Variants in TAFA1 observed in about 807,000 individuals in gnomAD.
TAFA1 encodes TAFA chemokine like family member 1, also known as chemokine-like protein TAFA-1.
Under a neutral mutation model 18.5 loss-of-function variants are expected in TAFA1, and 4 were observed. The ratio of observed to expected loss-of-function variants is 0.22; its 90% CI spans 0.11 to 0.49. The LOEUF is 0.49. Ranked by LOEUF, TAFA1 falls within the 20% of genes least tolerant of loss-of-function variation. TAFA1 has a pLI of 0.98. For synonymous variants in TAFA1, 56 were observed against 55.2 expected, an observed-to-expected ratio of 1.01 and a Z score of -0.06; for missense variants, 147 against 169.0, an observed-to-expected ratio of 0.87 and a Z score of 0.72.
intron 2 of TAFA1, among the ~76,000 whole-genome samples, chr3:68,378,962 C>T (rs998680376): frequency 1.3e-5 from 2 of 152,134 alleles, no homozygotes; most frequent in African/African-American, 2.4e-5. Context: ...AAGCCTCTTT[C>T]CTTTCTAAAT....
intron 2 of TAFA1, among the ~76,000 whole-genome samples, chr3:68,107,253 G>A (rs1046725577): frequency 6.6e-6 from 1 of 152,074 alleles, no homozygotes; most frequent in African/African-American, 2.4e-5. Flanking sequence ...ACTATTAAAT[G>A]TCTACCAGTA....
At position 68,529,956 on chromosome 3, in the gene TAFA1, G is replaced by T. The variant is rs539485048; in HGVS notation, c.260-8800G>T. ...TCCTTTTATTCCCCAACCTGAGCCT[G>T]CTCTATTAACACAACATATTTACTA... On this transcript the variant is annotated intron_variant, in intron 3 of 4. Coordinates refer to ENST00000478136, the MANE Select transcript of TAFA1 (RefSeq NM_213609.4). Among the ~76,000 whole-genome samples, 4 of 152,256 alleles carry T rather than the reference G, an allele frequency of 2.6e-5. No individual in the cohort carries two copies. In the South Asian group the frequency reaches 8.3e-4, roughly 32 times the overall value.
chr3:68,279,939 T>C (rs1038093494), intron 2 of TAFA1, among the ~76,000 whole-genome samples: 1 of 152,204 alleles, frequency 6.6e-6, no homozygotes, highest in African/African-American at 2.4e-5. Context: ...CCATTTTAAG[T>C]AATATGCTGA....
At chr3:68,183,626 A>G (rs950797061) in intron 2 of TAFA1, among the ~76,000 whole-genome samples, 2 of 152,172 alleles carry the variant, frequency 1.3e-5, no homozygotes, top group Admixed American at 6.6e-5. Context: ...CAGCTTATGC[A>G]GTCTAATTGA....
At chr3:68,227,911 C>T (rs1016693485) in intron 2 of TAFA1, among the ~76,000 whole-genome samples, 3 of 152,132 alleles carry the variant, frequency 2.0e-5, no homozygotes, top group Admixed American at 2.0e-4. Flanking sequence ...AGAAGGAAAT[C>T]TTTTATCACT....
At chr3:68,074,120 T>C (rs2064793980) in intron 2 of TAFA1, among the ~76,000 whole-genome samples, 1 of 152,186 alleles carries the variant, frequency 6.6e-6, no homozygotes, top group Non-Finnish European at 1.5e-5. Flanking sequence ...TAGATTCTCA[T>C]ACGGATTGCA....
At chr3:68,095,496 T>G (rs990304401) in intron 2 of TAFA1, among the ~76,000 whole-genome samples, 2 of 152,138 alleles carry the variant, frequency 1.3e-5, no homozygotes, top group Admixed American at 1.3e-4. Flanking sequence ...GGACCCACTT[T>G]CCATGGTGTT....
intron 2 of TAFA1, among the ~76,000 whole-genome samples, chr3:68,032,373 T>G (rs532463855): frequency 1.3e-5 from 2 of 152,304 alleles, no homozygotes; most frequent in South Asian, 4.1e-4. Flanking sequence ...TCCCTCTGAC[T>G]CTCATGCCAT....
chr3:68,385,868 T>C (rs549986711), intron 2 of TAFA1, among the ~76,000 whole-genome samples: 9 of 152,264 alleles, frequency 5.9e-5, no homozygotes, highest in African/African-American at 2.2e-4. Context: ...TAGCATGCAG[T>C]GAGCAAATCA....
chr3:68,032,697 C>G (rs1254957648), intron 2 of TAFA1, among the ~76,000 whole-genome samples: 3 of 152,144 alleles, frequency 2.0e-5, no homozygotes, highest in Non-Finnish European at 4.4e-5. Context: ...TCCCAGACTC[C>G]TGTGTCTGTT....
chr3:68,099,754 C>T (rs1436842074), intron 2 of TAFA1, among the ~76,000 whole-genome samples: 3 of 152,108 alleles, frequency 2.0e-5, no homozygotes, highest in African/African-American at 7.2e-5. Flanking sequence ...CATAGGTACC[C>T]ATCAAGAATG....
chr3:68,334,663 G>T (rs2068941007), intron 2 of TAFA1, among the ~76,000 whole-genome samples: 1 of 152,050 alleles, frequency 6.6e-6, no homozygotes, highest in African/African-American at 2.4e-5. Flanking sequence ...ACCACATTTT[G>T]ATTTTTGCTG....
chr3:67,993,276 A>G, the TAFA1 span, among the ~76,000 whole-genome samples: 1 of 152,208 alleles, frequency 6.6e-6, no homozygotes, highest in Non-Finnish European at 1.5e-5. Context: ...ATTGGTTGTG[A>G]GAGGTAGGAA....
At position 68,006,647 on chromosome 3, in the gene TAFA1, G is replaced by A. The variant is rs960423367; in HGVS notation, c.21G>A (p.Met7Ile). The part of the protein sequence containing the change: MAMVSA[M>I]SWVLYLWISA... ...AGAGAATGGCAATGGTCTCTGCGAT[G>A]TCCTGGGTCCTGTATTTGTGGATAA... Residue 7 changes from methionine to isoleucine, a missense_variant, in exon 2 of 5, where the codon ATG becomes ATA. Met to Ile is a conservative substitution (Grantham distance 10). Coordinates refer to ENST00000478136, the MANE Select transcript of TAFA1 (RefSeq NM_213609.4). The A allele has an allele frequency of 9.3e-6, 15 of 1,613,788 alleles. No homozygotes were observed. Among genetic ancestry groups the A allele is most frequent in the African/African-American group, 1.3e-5 (1 of 75,048 alleles).
intron 2 of TAFA1, among the ~76,000 whole-genome samples, chr3:68,079,968 C>G (rs1024222336): frequency 3.3e-5 from 5 of 151,716 alleles, no homozygotes; most frequent in African/African-American, 9.7e-5. Flanking sequence ...GTAGGTCACT[C>G]AGGACTTGCT....
chr3:68,327,197 T>C (rs2068790255), intron 2 of TAFA1, among the ~76,000 whole-genome samples: 1 of 152,198 alleles, frequency 6.6e-6, no homozygotes, highest in African/African-American at 2.4e-5. Flanking sequence ...CATGTGGAAC[T>C]GTGAGTTCAT....
intron 2 of TAFA1, among the ~76,000 whole-genome samples, chr3:68,409,480 C>T (rs1425419163): frequency 2.0e-5 from 3 of 152,016 alleles, no homozygotes; most frequent in Non-Finnish European, 4.4e-5. Flanking sequence ...GGTCATTTCC[C>T]CTGCACTCTC....
At chr3:68,331,856 CTT>C (rs60291932) in intron 2 of TAFA1, among the ~76,000 whole-genome samples, 2 of 76,206 alleles carry the variant, frequency 2.6e-5, no homozygotes, top group East Asian at 4.8e-4. Flanking sequence ...CTTTTCTTTT[CTT>C]TTTTTTTTTT....
intron 3 of TAFA1, among the ~76,000 whole-genome samples, chr3:68,439,471 A>C (rs2071333936): frequency 7.1e-6 from 1 of 141,264 alleles, no homozygotes; most frequent in Non-Finnish European, 1.5e-5. Context: ...ATTAACTCAC[A>C]CAATCACAAG....
Sources: allele counts gnomAD v4.1 joint callset (sites outside exome capture counted in the v4.1 genomes callset), GRCh38; gene constraint gnomAD v4.1.1; transcripts MANE v1.5; gene names NCBI Gene and HGNC (gene_info 2026-07-23, HGNC 2026-07-21).